Variants in RALYL observed in about 807,000 individuals in gnomAD.
The protein encoded by RALYL is RALY RNA binding protein like, also known as RNA-binding Raly-like protein.
RALYL carries 29 observed loss-of-function variants against 35.1 expected under a neutral mutation model. That is an observed-to-expected ratio of 0.83 (90% CI 0.61 to 1.13). The LOEUF (loss-of-function observed/expected upper bound fraction) is 1.13. Ranked by LOEUF, RALYL falls within the 50% of genes most tolerant of loss-of-function variation. The pLI is 0.00. For missense variants in RALYL, 359 were observed against 360.4 expected (o/e 1.00, Z 0.03); for synonymous variants, 120 against 127.6 (o/e 0.94, Z 0.40).
intron 2 of RALYL, among the ~76,000 whole-genome samples, chr8:84,739,803 T>C (rs1261265300): frequency 6.6e-6 from 1 of 151,870 alleles, no homozygotes; most frequent in Non-Finnish European, 1.5e-5. Flanking sequence ...TTAATGAAAA[T>C]CTTTAAAGTT....
At chr8:84,681,777 A>G (rs557636975) in intron 2 of RALYL, among the ~76,000 whole-genome samples, 1 of 152,322 alleles carries the variant, frequency 6.6e-6, no homozygotes, top group African/African-American at 2.4e-5. Flanking sequence ...CAATCATGTC[A>G]TCTGCAAACA....
chr8:84,453,400 G>A (rs966645496), intron 1 of RALYL, among the ~76,000 whole-genome samples: 3 of 152,034 alleles, frequency 2.0e-5, no homozygotes, highest in Non-Finnish European at 4.4e-5. Flanking sequence ...TGATAGGAGA[G>A]AAAGCAGTAT....
At chr8:84,580,007 G>T (rs144491130) in intron 2 of RALYL, among the ~76,000 whole-genome samples, 2,595 of 152,090 alleles carry the variant, frequency 0.017, 89 homozygotes, top group African/African-American at 0.059. Context: ...CACTTCAATG[G>T]TTAATTAATG....
chr8:84,357,229 T>A (rs1021000591), intron 1 of RALYL, among the ~76,000 whole-genome samples: 1 of 151,968 alleles, frequency 6.6e-6, no homozygotes, highest in Non-Finnish European at 1.5e-5. Context: ...CCCCAATCAT[T>A]GTGACAAGCA....
intron 2 of RALYL, among the ~76,000 whole-genome samples, chr8:84,750,282 T>G (rs1809650245): frequency 6.6e-6 from 1 of 152,194 alleles, no homozygotes; most frequent in African/African-American, 2.4e-5. Flanking sequence ...GGATACAGAT[T>G]AGGCAACAAA....
At chr8:84,454,776 GAAAC>G (rs1346152227) in intron 1 of RALYL, among the ~76,000 whole-genome samples, 2 of 152,028 alleles carry the variant, frequency 1.3e-5, no homozygotes, top group African/African-American at 2.4e-5. Flanking sequence ...AACTTCTATG[GAAAC>G]AAACAATGTC....
intron 1 of RALYL, among the ~76,000 whole-genome samples, chr8:84,292,261 G>T (rs1306617303): frequency 6.6e-6 from 1 of 152,110 alleles, no homozygotes; most frequent in Non-Finnish European, 1.5e-5. Flanking sequence ...TTAGCAGTTT[G>T]CAATCTGATT....
chr8:84,341,938 G>A (rs1440189227), intron 1 of RALYL, among the ~76,000 whole-genome samples: 1 of 151,690 alleles, frequency 6.6e-6, no homozygotes, highest in Admixed American at 6.6e-5. Flanking sequence ...GTGATAAGGA[G>A]GATTTAATTA....
chr8:84,795,046 G>C lies in RALYL; in HGVS notation c.333-9724G>C, dbSNP rs1011940091. ...GCAAATGAAACTTACCAAGGGGCTT[G>C]ATGATAGCCCTAAGCAGAGATTTCA... On this transcript the variant is annotated intron_variant, in intron 3 of 8. Transcript: ENST00000521268. Among the ~76,000 whole-genome samples, 19 of 152,310 alleles carry C rather than the reference G, an allele frequency of 1.2e-4. 1 individual carries two copies. The East Asian group carries it at 3.5e-3, about 28-fold the overall frequency.
intron 2 of RALYL, among the ~76,000 whole-genome samples, chr8:84,546,482 G>A (rs2060368168): frequency 6.6e-6 from 1 of 152,156 alleles, no homozygotes; most frequent in East Asian, 1.9e-4. Context: ...CGTCTTTTTA[G>A]CATCATGGAG....
chr8:84,782,819 G>A (rs1381825437), intron 3 of RALYL, among the ~76,000 whole-genome samples: 4 of 152,182 alleles, frequency 2.6e-5, no homozygotes, highest in Non-Finnish European at 5.9e-5. Flanking sequence ...CTTGCAAAGG[G>A]CAATGCCCTT....
chr8:84,538,757 T>A (rs544545048), intron 2 of RALYL, among the ~76,000 whole-genome samples: 29 of 152,236 alleles, frequency 1.9e-4, no homozygotes, highest in Admixed American at 3.9e-4. Context: ...GTATTGTAAA[T>A]TTATTTAAGA....
intron 1 of RALYL, among the ~76,000 whole-genome samples, chr8:84,477,383 CATATAA>C (rs2053547506): frequency 6.7e-6 from 1 of 149,564 alleles, no homozygotes; most frequent in South Asian, 2.1e-4. Context: ...ATATAATGTA[CATATAA>C]ATATATATTT....
chr8:84,372,884 C>CTGTTTTTTTTTTTTTGTTTTGTTT (rs1856053757), intron 1 of RALYL, among the ~76,000 whole-genome samples: 8 of 18,726 alleles, frequency 4.3e-4, no homozygotes, highest in Non-Finnish European at 6.8e-4. Context: ...ATGCCAGCAT[C>CTGTTTTTTTTTTTTTGTTTTGTTT]TGTTTTTTTT....
intron 2 of RALYL, among the ~76,000 whole-genome samples, chr8:84,576,706 T>C (rs1170065230): frequency 6.6e-6 from 1 of 152,222 alleles, no homozygotes; most frequent in Non-Finnish European, 1.5e-5. Context: ...TATCCAGATC[T>C]AGATCTAGAC....
intron 4 of RALYL, among the ~76,000 whole-genome samples, chr8:84,839,765 C>A (rs1201322660): frequency 6.6e-6 from 1 of 152,210 alleles, no homozygotes; most frequent in East Asian, 1.9e-4. Context: ...TCCTCTGAGA[C>A]AAAACTTCCA....
chr8:84,892,291 G>A (rs1226527899), intron 8 of RALYL, among the ~76,000 whole-genome samples: 1 of 152,096 alleles, frequency 6.6e-6, no homozygotes, highest in Non-Finnish European at 1.5e-5. Flanking sequence ...CTTGTCTCAA[G>A]TAGCTTAGTG....
intron 2 of RALYL, among the ~76,000 whole-genome samples, chr8:84,631,901 T>C (rs1303720143): frequency 6.6e-6 from 1 of 151,996 alleles, no homozygotes. Context: ...TAAATTGGCA[T>C]TACTTATTTA....
At chr8:84,749,895 G>A (rs1400852778) in intron 2 of RALYL, among the ~76,000 whole-genome samples, 3 of 152,144 alleles carry the variant, frequency 2.0e-5, no homozygotes, top group East Asian at 3.9e-4. Context: ...GCTGCTCATG[G>A]CCCCACTTGA....
Sources: allele counts gnomAD v4.1 joint callset (sites outside exome capture counted in the v4.1 genomes callset), GRCh38; gene constraint gnomAD v4.1.1; transcripts MANE v1.5; gene names NCBI Gene and HGNC (gene_info 2026-07-23, HGNC 2026-07-21).